AFG2A: variants seen among roughly 807,000 people sequenced by gnomAD.
AFG2A encodes ATPase family gene 2 protein homolog A.
At chr4:122,958,305 G>A in the AFG2A span, among the ~76,000 whole-genome samples, 1 of 152,138 alleles carries the variant, frequency 6.6e-6, no homozygotes, top group African/African-American at 2.4e-5. Context: ...TTTAAAACAA[G>A]TGCTTTTCAG....
chr4:123,302,425 C>T, the AFG2A span, among the ~76,000 whole-genome samples: 1,715 of 152,256 alleles, frequency 0.011, 30 homozygotes, highest in African/African-American at 0.039. Context: ...GTGCCTGATA[C>T]GTTTTTGCCT....
chr4:122,945,503 C>T, the AFG2A span, among the ~76,000 whole-genome samples: 12,148 of 152,278 alleles, frequency 0.08, 641 homozygotes, highest in Middle Eastern at 0.2. Flanking sequence ...CGGAAAAGCG[C>T]GGTATTAGGG....
the AFG2A span, among the ~76,000 whole-genome samples, chr4:123,219,533 A>G: frequency 6.6e-6 from 1 of 152,202 alleles, no homozygotes; most frequent in Non-Finnish European, 1.5e-5. Flanking sequence ...ATTAGTACTT[A>G]GTGTGCTAAG....
the AFG2A span, among the ~76,000 whole-genome samples, chr4:123,215,847 T>TTACTA: frequency 4.6e-5 from 7 of 152,278 alleles, no homozygotes; most frequent in East Asian, 7.7e-4. Context: ...CTTTAGGGCT[T>TTACTA]TACTAATACG....
chr4:123,142,975 A>C, the AFG2A span, among the ~76,000 whole-genome samples: 1 of 152,060 alleles, frequency 6.6e-6, no homozygotes, highest in Non-Finnish European at 1.5e-5. Context: ...AAAATTTGAA[A>C]CTTTTGAGTT....
chr4:123,242,643 A>G, the AFG2A span, among the ~76,000 whole-genome samples: 1 of 152,154 alleles, frequency 6.6e-6, no homozygotes. Context: ...AACCATAAAA[A>G]CCCTAGAAGA....
the AFG2A span, among the ~76,000 whole-genome samples, chr4:123,198,506 T>A: frequency 6.6e-6 from 1 of 152,254 alleles, no homozygotes; most frequent in African/African-American, 2.4e-5. Flanking sequence ...TGAAGGGATC[T>A]TGCCAGCCTC....
the AFG2A span, among the ~76,000 whole-genome samples, chr4:123,227,410 G>A: frequency 6.6e-6 from 1 of 152,048 alleles, no homozygotes; most frequent in African/African-American, 2.4e-5. Context: ...GGTACGTTGT[G>A]TCTTTGTTCT....
At chr4:123,015,854 G>A in the AFG2A span, among the ~76,000 whole-genome samples, 154 of 16,516 alleles carry the variant, frequency 9.3e-3, no homozygotes, top group Non-Finnish European at 0.022. Context: ...CTGGCCGGGC[G>A]GGGGGCTGAC....
the AFG2A span, among the ~76,000 whole-genome samples, chr4:123,239,255 T>C: frequency 1.3e-5 from 2 of 152,134 alleles, no homozygotes; most frequent in Non-Finnish European, 2.9e-5. Flanking sequence ...TAGAAAACAC[T>C]CTTCAGGATA....
At chr4:123,300,964 C>G in the AFG2A span, among the ~76,000 whole-genome samples, 2 of 152,070 alleles carry the variant, frequency 1.3e-5, no homozygotes, top group South Asian at 4.1e-4. Flanking sequence ...TGTGATAATT[C>G]CAGCCAAACT....
At chr4:123,093,070 G>A in the AFG2A span, among the ~76,000 whole-genome samples, 2 of 152,182 alleles carry the variant, frequency 1.3e-5, no homozygotes, top group Non-Finnish European at 2.9e-5. Flanking sequence ...ATAAGTGGGA[G>A]AAGATATGTT....
the AFG2A span, among the ~76,000 whole-genome samples, chr4:123,168,166 C>G: frequency 5.9e-5 from 9 of 152,258 alleles, no homozygotes; most frequent in East Asian, 1.7e-3. Flanking sequence ...GGGGCCAGCT[C>G]TAGGTAGAAT....
chr4:123,284,629 T>G, the AFG2A span, among the ~76,000 whole-genome samples: 6 of 152,218 alleles, frequency 3.9e-5, no homozygotes, highest in African/African-American at 1.4e-4. Flanking sequence ...TTTTGAATAA[T>G]CATTATTGTA....
chr4:123,036,684 T>G, the AFG2A span, among the ~76,000 whole-genome samples: 1 of 152,094 alleles, frequency 6.6e-6, no homozygotes, highest in Non-Finnish European at 1.5e-5. Context: ...GCCAGCATGG[T>G]CCCTGCAATG....
the AFG2A span, among the ~76,000 whole-genome samples, chr4:123,241,045 A>C: frequency 2.0e-5 from 3 of 152,204 alleles, no homozygotes; most frequent in African/African-American, 7.2e-5. Context: ...GAAATGGATA[A>C]ATTCCTGGAC....
chr4:122,971,929 T>G, the AFG2A span, among the ~76,000 whole-genome samples: 1 of 152,150 alleles, frequency 6.6e-6, no homozygotes, highest in Non-Finnish European at 1.5e-5. Flanking sequence ...TGATGTTTTG[T>G]TTAAGATATT....
the AFG2A span, among the ~76,000 whole-genome samples, chr4:123,226,105 C>T: frequency 1.3e-5 from 2 of 152,074 alleles, no homozygotes; most frequent in South Asian, 2.1e-4. Flanking sequence ...CTTAAGGAGA[C>T]TTTGGGCTGA....
the AFG2A span, among the ~76,000 whole-genome samples, chr4:123,044,841 AT>A: frequency 6.6e-5 from 10 of 151,006 alleles, no homozygotes; most frequent in Admixed American, 2.0e-4. Flanking sequence ...AAATTTACTG[AT>A]TTTTTTCTTC....
Sources: gnomAD v4.1 joint callset for allele counts (sites outside exome capture counted in the v4.1 genomes callset) on GRCh38, gnomAD v4.1.1 for gene constraint, MANE v1.5 for transcripts, NCBI Gene and HGNC (gene_info 2026-07-23, HGNC 2026-07-21) for gene names.